Variants in MB21D2 observed in about 807,000 individuals in gnomAD.
MB21D2 encodes the protein nucleotidyltransferase MB21D2.
Under a neutral mutation model 33.3 loss-of-function variants are expected in MB21D2, and 9 were observed. That is an observed-to-expected ratio of 0.27 (90% confidence interval 0.16 to 0.47). The LOEUF is 0.47. MB21D2 is among the 20% of genes least tolerant of loss of function. MB21D2 has a pLI of 0.99. For synonymous variants in MB21D2, 241 were observed against 236.3 expected (o/e 1.02, Z -0.18); for missense variants, 540 against 624.6 (o/e 0.86, Z 1.44).
In MB21D2 at chr3:192,836,513, G is replaced by A. The variant is rs372212331; in HGVS notation, c.212-36863C>T. ...AGGGAGTCCTAATTCAATCTGACTG[G>A]TAGTCTTATAAGAAGAGATATCTGG... is the stretch of plus-strand genomic sequence containing the variant. On this transcript the variant is annotated intron_variant, in intron 1 of 1. Coordinates refer to ENST00000392452, the MANE Select transcript of MB21D2 (RefSeq NM_178496.4). Among the ~76,000 whole-genome samples the A allele has an allele frequency of 9.8e-5, 15 of 152,302 alleles. No homozygotes were observed. In the East Asian group the frequency reaches 1.4e-3, roughly 14 times the overall value.
At chr3:192,860,702 C>A (rs1472292639) in intron 1 of MB21D2, among the ~76,000 whole-genome samples, 1 of 152,198 alleles carries the variant, frequency 6.6e-6, no homozygotes, top group Non-Finnish European at 1.5e-5. Flanking sequence ...TTTATCAAGT[C>A]TTGAGAAAAC....
At chr3:192,817,483 T>C (rs537298474) in intron 1 of MB21D2, among the ~76,000 whole-genome samples, 1 of 152,300 alleles carries the variant, frequency 6.6e-6, no homozygotes, top group African/African-American at 2.4e-5. Flanking sequence ...TACTGATTTT[T>C]ACAGTTAGTT....
At chr3:192,863,949 G>C (rs568601405) in intron 1 of MB21D2, among the ~76,000 whole-genome samples, 1 of 152,302 alleles carries the variant, frequency 6.6e-6, no homozygotes, top group Non-Finnish European at 1.5e-5. Context: ...CCCAGTCTAT[G>C]ATATTTTGTT....
chr3:192,858,125 C>CA (rs930503725), intron 1 of MB21D2, among the ~76,000 whole-genome samples: 8 of 152,094 alleles, frequency 5.3e-5, no homozygotes, highest in African/African-American at 7.2e-5. Context: ...AACTCTGTCT[C>CA]AAAAAACAAA....
chr3:192,809,520 G>A (rs1711742174), intron 1 of MB21D2, among the ~76,000 whole-genome samples: 1 of 152,134 alleles, frequency 6.6e-6, no homozygotes, highest in South Asian at 2.1e-4. Flanking sequence ...TGCATTAAAT[G>A]GGCTTTCCTA....
chr3:192,811,483 G>A (rs186292611), intron 1 of MB21D2, among the ~76,000 whole-genome samples: 1 of 152,096 alleles, frequency 6.6e-6, no homozygotes, highest in Admixed American at 6.5e-5. Flanking sequence ...ACTGGTAAGG[G>A]ATTACTTGCT....
chr3:192,881,948 A>G (rs1016790053), intron 1 of MB21D2, among the ~76,000 whole-genome samples: 5 of 152,142 alleles, frequency 3.3e-5, no homozygotes, highest in African/African-American at 1.2e-4. Context: ...ACTGTGAACC[A>G]AAAAGGATGA....
At chr3:192,909,999 C>T (rs11720717) in intron 1 of MB21D2, among the ~76,000 whole-genome samples, 1 of 145,652 alleles carries the variant, frequency 6.9e-6, no homozygotes, top group Non-Finnish European at 1.5e-5. Flanking sequence ...GCCTAAGAGC[C>T]TAAGCAAAGA....
At chr3:192,913,065 A>T (rs1263292984) in intron 1 of MB21D2, among the ~76,000 whole-genome samples, 1 of 152,244 alleles carries the variant, frequency 6.6e-6, no homozygotes, top group Non-Finnish European at 1.5e-5. Flanking sequence ...ATTGTACTGC[A>T]TAGTTCTTTC....
At chr3:192,837,791 A>T (rs539693005) in intron 1 of MB21D2, among the ~76,000 whole-genome samples, 1 of 152,342 alleles carries the variant, frequency 6.6e-6, no homozygotes, top group East Asian at 1.9e-4. Flanking sequence ...AATTTGAGAA[A>T]CACACACACA....
Position 192,856,012 on chromosome 3 carries a change from G to A in MB21D2, c.212-56362C>T, listed in dbSNP as rs191657285. On this transcript the variant is annotated intron_variant, in intron 1 of 1. Transcript: ENST00000392452. ...GCAAAGGTTGCAGTGAGCCGAGATC[G>A]TACCACTGCACTCCAGCCTAGGTAA... is the stretch of plus-strand genomic sequence containing the variant. Among the ~76,000 whole-genome samples the A allele has an allele frequency of 2.4e-3, 371 of 152,142 alleles. 6 individuals carry two copies. Among genetic ancestry groups the A allele is most frequent in the Non-Finnish European group, 4.7e-4 (32 of 67,990 alleles).
chr3:192,843,494 C>T (rs1712616108), intron 1 of MB21D2, among the ~76,000 whole-genome samples: 2 of 152,074 alleles, frequency 1.3e-5, no homozygotes, highest in African/African-American at 2.4e-5. Context: ...GCTCAGCAAG[C>T]GTCCTTTTAG....
chr3:192,895,615 GA>G (rs1422624997), intron 1 of MB21D2, among the ~76,000 whole-genome samples: 1 of 152,098 alleles, frequency 6.6e-6, no homozygotes, highest in Non-Finnish European at 1.5e-5. Flanking sequence ...AACTATTAAA[GA>G]AAAAGAAAAT....
At chr3:192,902,079 A>G (rs1714117072) in intron 1 of MB21D2, among the ~76,000 whole-genome samples, 1 of 152,232 alleles carries the variant, frequency 6.6e-6, no homozygotes, top group Non-Finnish European at 1.5e-5. Flanking sequence ...TTCAATAAAC[A>G]AAATCACAAG....
chr3:192,910,141 A>T (rs920362267), intron 1 of MB21D2, among the ~76,000 whole-genome samples: 3 of 151,470 alleles, frequency 2.0e-5, no homozygotes, highest in Non-Finnish European at 2.9e-5. Context: ...GAGGTCACCA[A>T]TGTGAGAATT....
At chr3:192,902,043 A>G (rs1714116258) in intron 1 of MB21D2, among the ~76,000 whole-genome samples, 1 of 152,190 alleles carries the variant, frequency 6.6e-6, no homozygotes, top group Non-Finnish European at 1.5e-5. Flanking sequence ...GAGGCTGTAG[A>G]TAGGATGAGA....
chr3:192,811,221 T>C (rs954618147), intron 1 of MB21D2, among the ~76,000 whole-genome samples: 3 of 152,236 alleles, frequency 2.0e-5, no homozygotes, highest in African/African-American at 7.2e-5. Context: ...GATGAACCCA[T>C]TCAATAGCTT....
chr3:192,892,963 GAAGATT>G (rs1713883368), intron 1 of MB21D2, among the ~76,000 whole-genome samples: 1 of 152,180 alleles, frequency 6.6e-6, no homozygotes, highest in African/African-American at 2.4e-5. Context: ...AGTATTTAAA[GAAGATT>G]AAGATGAATT....
At chr3:192,909,235 G>C (rs1230814334) in intron 1 of MB21D2, among the ~76,000 whole-genome samples, 2 of 149,440 alleles carry the variant, frequency 1.3e-5, no homozygotes, top group Non-Finnish European at 3.0e-5. Context: ...CAGCCTGGGT[G>C]ACAGAGCGAG....
Sources: gnomAD v4.1 joint callset for allele counts (sites outside exome capture counted in the v4.1 genomes callset) on GRCh38, gnomAD v4.1.1 for gene constraint, MANE v1.5 for transcripts, NCBI Gene and HGNC (gene_info 2026-07-23, HGNC 2026-07-21) for gene names.